NFIB: variants seen among roughly 807,000 people sequenced by gnomAD.
The protein encoded by NFIB is nuclear factor I B.
NFIB carries 11 observed loss-of-function variants against 61.5 expected under a neutral mutation model. The observed-to-expected ratio is 0.18, with a 90% CI of 0.11 to 0.30. The LOEUF (loss-of-function observed/expected upper bound fraction) is 0.30, where lower values mean the gene tolerates loss of function less well. Among genes scored for constraint, NFIB ranks in the 10% least tolerant of loss-of-function variants. NFIB has a pLI of 1.00. For synonymous variants in NFIB, 260 were observed against 216.5 expected, an observed-to-expected ratio of 1.20 and a Z score of -1.76; for missense variants, 471 against 608.9, an observed-to-expected ratio of 0.77 and a Z score of 2.38.
chr9:14,488,568 G>A, the NFIB span, among the ~76,000 whole-genome samples: 1 of 151,954 alleles, frequency 6.6e-6, no homozygotes, highest in African/African-American at 2.4e-5. Flanking sequence ...TTTGATCAGT[G>A]GGCTCTGGGA....
In NFIB at chr9:14,306,098, T is replaced by C. The variant is rs2060002968; in HGVS notation, c.562+891A>G. ...CAAATATTCAGTAATAACATCATCT[T>C]TTTTAATTATTTAGGTAAAATGTAT... On this transcript the variant is annotated intron_variant, in intron 2 of 10. Coordinates refer to ENST00000380953, the MANE Select transcript of NFIB (RefSeq NM_001190737.2). 7.8e-6 allele frequency: 4 copies of C among 513,948 alleles called. No homozygotes were observed. In the East Asian group the frequency reaches 1.5e-4, roughly 19 times the overall value. The allele number at this position is 513,948 out of a possible 1,614,324, so 31.8% of individuals were successfully genotyped here. A position where few individuals can be genotyped will look rare whatever the true frequency, so the allele number is the denominator to read the frequency against.
the NFIB span, among the ~76,000 whole-genome samples, chr9:14,414,711 G>A: frequency 6.6e-6 from 1 of 151,754 alleles, no homozygotes; most frequent in Non-Finnish European, 1.5e-5. Context: ...CAATTTTGTT[G>A]TTACATTTAT....
the NFIB span, among the ~76,000 whole-genome samples, chr9:14,433,876 T>C: frequency 1.3e-5 from 2 of 152,198 alleles, no homozygotes; most frequent in African/African-American, 4.8e-5. Flanking sequence ...TGGTTGCAAA[T>C]GTTGTTTAGA....
chr9:14,284,053 G>A (rs1380517539), intron 2 of NFIB, among the ~76,000 whole-genome samples: 3 of 152,142 alleles, frequency 2.0e-5, no homozygotes, highest in African/African-American at 7.2e-5. Context: ...CTGGGAATAT[G>A]AGCTGGGAAG....
chr9:14,213,973 C>A (rs2050579757), intron 2 of NFIB, among the ~76,000 whole-genome samples: 1 of 152,156 alleles, frequency 6.6e-6, no homozygotes. Flanking sequence ...CCCCTCATTT[C>A]ACCTCACATC....
chr9:14,289,122 G>GTA (rs60051220), intron 2 of NFIB, among the ~76,000 whole-genome samples: 2,414 of 139,820 alleles, frequency 0.017, 83 homozygotes, highest in African/African-American at 0.06. Flanking sequence ...GTGTGTATAT[G>GTA]TATATATATA....
chr9:14,235,657 C>T (rs1311799105), intron 2 of NFIB, among the ~76,000 whole-genome samples: 1 of 152,170 alleles, frequency 6.6e-6, no homozygotes, highest in Non-Finnish European at 1.5e-5. Context: ...GATAGAACAA[C>T]TCTAATCTTC....
chr9:14,397,170 T>C (rs1464058064), intron 1 of NFIB, among the ~76,000 whole-genome samples: 5 of 152,214 alleles, frequency 3.3e-5, no homozygotes, highest in African/African-American at 9.7e-5. Flanking sequence ...AGTGGAAATA[T>C]GGAACAAATG....
At position 14,146,711 on chromosome 9, in the gene NFIB, T is replaced by G; in HGVS notation, c.903A>C (p.Arg301=). The change falls in exon 6 of 11, where the codon CGA becomes CGC. Residue 301 remains arginine, a synonymous_variant. Transcript: ENST00000380953. ...PSPSSPAAGS[R]TWHERDQDMS... ...CACCTTGATCTCTTTCGTGCCATGTTCGACTTCCAGCAGCTGGTGAACTTG... is the reference window on the plus strand; with the variant it reads ...CACCTTGATCTCTTTCGTGCCATGTGCGACTTCCAGCAGCTGGTGAACTTG... 6.2e-7 allele frequency: 1 copy of G among 1,612,940 alleles called. No homozygotes were observed. Among genetic ancestry groups the G allele is most frequent in the Non-Finnish European group, 8.5e-7 (1 of 1,179,480 alleles).
chr9:14,453,844 A>C, the NFIB span, among the ~76,000 whole-genome samples: 1 of 151,966 alleles, frequency 6.6e-6, no homozygotes, highest in Non-Finnish European at 1.5e-5. Flanking sequence ...GCACTTTGGG[A>C]GTCTGAGGCT....
intron 1 of NFIB, among the ~76,000 whole-genome samples, chr9:14,392,694 A>G (rs961392536): frequency 2.6e-5 from 4 of 152,026 alleles, no homozygotes; most frequent in Admixed American, 2.0e-4. Flanking sequence ...CATGATAACA[A>G]GGTGGCAGAG....
At chr9:14,309,881 G>C (rs984663040) in intron 1 of NFIB, among the ~76,000 whole-genome samples, 2 of 152,142 alleles carry the variant, frequency 1.3e-5, no homozygotes, top group Non-Finnish European at 2.9e-5. Context: ...AGAATGTAAA[G>C]AGCACATGAG....
the NFIB span, among the ~76,000 whole-genome samples, chr9:14,431,339 T>C: frequency 1.3e-5 from 2 of 152,164 alleles, no homozygotes; most frequent in East Asian, 1.9e-4. Flanking sequence ...CCCTGGATTG[T>C]AGTCTACTTA....
At chr9:14,231,135 A>ATATATATATATATATATAT (rs1554681461) in intron 2 of NFIB, among the ~76,000 whole-genome samples, 1 of 35,336 alleles carries the variant, frequency 2.8e-5, no homozygotes, top group African/African-American at 1.0e-4. Context: ...AAAAAAAAAA[A>ATATATATATATATATATAT]ATATATATAT....
intron 2 of NFIB, among the ~76,000 whole-genome samples, chr9:14,231,135 A>AAAATATATATATATATATATATAT (rs55959148): frequency 2.8e-5 from 1 of 35,344 alleles, no homozygotes; most frequent in African/African-American, 1.0e-4. Context: ...AAAAAAAAAA[A>AAAATATATATATATATATATATAT]ATATATATAT....
chr9:14,113,026 T>C lies in NFIB; in HGVS notation c.1440A>G (p.Arg480=). The C allele has an allele frequency of 6.4e-7, 1 of 1,550,422 alleles. No homozygotes were observed. Among genetic ancestry groups the C allele is most frequent in the Non-Finnish European group, 8.7e-7 (1 of 1,146,898 alleles). ...QANRYVGLSP[R]DPSFLHQQQS... ...GTTGCTGATGTAGGAAGGATGGGTC[T>C]CTTGGGCTTAGTCCCACATATCGAT... is the stretch of plus-strand genomic sequence containing the variant. The change falls in exon 10 of 11, where the codon AGA becomes AGG. Residue 480 remains arginine, a synonymous_variant. Transcript: ENST00000380953.
In NFIB at chr9:14,215,188, G is replaced by A. The variant is rs954819612; in HGVS notation, c.563-35408C>T. 1.2e-4 allele frequency among the ~76,000 whole-genome samples: 17 copies of A among 141,872 alleles called. 3 individuals are homozygous for A. The highest frequency in any genetic ancestry group is 3.8e-4 in the African/African-American group (12 of 31,994). 93.1% of individuals were successfully genotyped at this position (141,872 alleles called of 152,430 possible). The stretch of plus-strand genomic sequence containing the variant: ...AAATAATGGCTAAAGCAGCTTTTAC[G>A]TAATCTCCAAAGACATCAACTTTCA... On this transcript the variant is annotated intron_variant, in intron 2 of 10. Coordinates refer to ENST00000380953, the MANE Select transcript of NFIB (RefSeq NM_001190737.2).
chr9:14,429,439 T>C, the NFIB span, among the ~76,000 whole-genome samples: 1 of 152,210 alleles, frequency 6.6e-6, no homozygotes, highest in South Asian at 2.1e-4. Context: ...TTGTCAGAAT[T>C]TTCCTCCCTG....
intron 1 of NFIB, among the ~76,000 whole-genome samples, chr9:14,324,032 C>T (rs752436138): frequency 2.0e-5 from 3 of 152,238 alleles, no homozygotes; most frequent in Admixed American, 2.0e-4. Context: ...GCATATACAG[C>T]TTGGAGAAGG....
Sources: allele counts gnomAD v4.1 joint callset (sites outside exome capture counted in the v4.1 genomes callset), GRCh38; gene constraint gnomAD v4.1.1; transcripts MANE v1.5; gene names NCBI Gene and HGNC (gene_info 2026-07-23, HGNC 2026-07-21).